Variants in SCRN1 observed in about 807,000 individuals in gnomAD.
The protein encoded by SCRN1 is secernin-1.
A neutral mutation model predicts 43.3 loss-of-function variants in SCRN1; 19 were observed. The ratio of observed to expected loss-of-function variants is 0.44; its 90% CI spans 0.31 to 0.64. The LOEUF is 0.64. SCRN1 is among the 30% of genes least tolerant of loss of function. The pLI is 0.09. For missense variants in SCRN1, 447 were observed against 524.1 expected, an observed-to-expected ratio of 0.85 and a Z score of 1.44; for synonymous variants, 183 against 188.9, an observed-to-expected ratio of 0.97 and a Z score of 0.26.
chr7:29,969,955 C>T (rs775133288), intron 1 of SCRN1: 41 of 445,534 alleles, frequency 9.2e-5, no homozygotes, highest in Non-Finnish European at 1.4e-5. Context: ...AAGTCCTGTA[C>T]ATTCCATCTC....
At chr7:29,990,176 C>T (rs909368246), upstream of SCRN1, 2 of 1,551,608 alleles carry the variant, frequency 1.3e-6, no homozygotes, top group East Asian at 2.4e-5. Flanking sequence ...GAAATGTGTC[C>T]TGTACCTTGT....
chr7:29,942,353 T>C (rs1353655372), intron 4 of SCRN1, among the ~76,000 whole-genome samples: 3 of 152,188 alleles, frequency 2.0e-5, no homozygotes, highest in Non-Finnish European at 4.4e-5. Flanking sequence ...GTCCAAGAAA[T>C]GGCTGGGGTT....
At chr7:29,960,142 C>T (rs1337659777) in intron 2 of SCRN1, among the ~76,000 whole-genome samples, 1 of 152,052 alleles carries the variant, frequency 6.6e-6, no homozygotes, top group Non-Finnish European at 1.5e-5. Flanking sequence ...AAATTCAGCT[C>T]CCCCGACTCC....
intron 6 of SCRN1, among the ~76,000 whole-genome samples, chr7:29,929,344 C>T (rs373879946): frequency 1.3e-5 from 2 of 152,182 alleles, no homozygotes; most frequent in East Asian, 1.9e-4. Flanking sequence ...AAGGGAACTG[C>T]GACCACGCCC....
intron 1 of SCRN1, among the ~76,000 whole-genome samples, chr7:29,981,867 T>C (rs1210939658): frequency 6.6e-6 from 1 of 152,182 alleles, no homozygotes; most frequent in Non-Finnish European, 1.5e-5. Flanking sequence ...CTGATAACCA[T>C]GCCTAAGCGA....
At position 29,968,999 on chromosome 7, in the gene SCRN1, T is replaced by C. The variant is rs756379805; in HGVS notation, c.69A>G (p.Val23=). 2 of 1,613,918 alleles carry C rather than the reference T, an allele frequency of 1.2e-6. No homozygotes were observed. The highest frequency in any genetic ancestry group is 1.3e-5 in the African/African-American group (1 of 74,866). The change falls in exon 2 of 8, where the codon GTA becomes GTG. Residue 23 remains valine (V), a synonymous_variant. Coordinates refer to ENST00000242059, the MANE Select transcript of SCRN1 (RefSeq NM_014766.5). ...TGGGCCGGGCTGAATTTTTCCCAAA[T>C]ACCACCAGACCATCCTTAGCACGTG... is the stretch of plus-strand genomic sequence containing the variant. The part of the protein sequence containing the change: ...FPPRAKDGLV[V]FGKNSARPRD...
chr7:29,989,441 G>A (rs1174011356), intron 1 of SCRN1, among the ~76,000 whole-genome samples: 1 of 152,090 alleles, frequency 6.6e-6, no homozygotes, highest in African/African-American at 2.4e-5. Flanking sequence ...CCGGCTTCAG[G>A]CCGAGGCCAC....
chr7:29,922,979 A>G lies in SCRN1; in HGVS notation c.*978T>C, dbSNP rs780127975. 6.6e-6 allele frequency: 1 copy of G among 152,220 alleles called. No homozygotes were observed. The highest frequency in any genetic ancestry group is 1.5e-5 in the Non-Finnish European group (1 of 68,040). 9.4% of individuals were successfully genotyped at this position (152,220 alleles called of 1,614,324 possible). A position where few individuals can be genotyped will look rare whatever the true frequency, so the allele number is the denominator to read the frequency against. On this transcript the variant is annotated 3_prime_UTR_variant, in exon 8 of 8. Coordinates refer to ENST00000242059, the MANE Select transcript of SCRN1 (RefSeq NM_014766.5). ...AATGTAGTGACTGCTAGGATTCCAG[A>G]TATTTAACTAGAATCTAAATAGTCA...
At chr7:29,925,865 A>AC (rs1369763064) in intron 7 of SCRN1, among the ~76,000 whole-genome samples, 2 of 151,788 alleles carry the variant, frequency 1.3e-5, no homozygotes, top group African/African-American at 4.8e-5. Flanking sequence ...AAAAAAAAAA[A>AC]AAAAAAACCC....
chr7:29,924,885 C>A (rs1468376), intron 7 of SCRN1, among the ~76,000 whole-genome samples: 3,430 of 152,252 alleles, frequency 0.023, 48 homozygotes, highest in South Asian at 0.06. Context: ...GCTGCTCTCA[C>A]CACCCGCCCA....
chr7:29,990,193 G>C (rs1458783663), upstream of SCRN1: 3 of 1,551,606 alleles, frequency 1.9e-6, no homozygotes, highest in Non-Finnish European at 2.6e-6. Flanking sequence ...TTGTTGACTC[G>C]CACGTCCAAG....
chr7:29,927,010 C>A (rs1203261292), intron 6 of SCRN1, among the ~76,000 whole-genome samples: 1 of 150,828 alleles, frequency 6.6e-6, no homozygotes, highest in East Asian at 1.9e-4. Flanking sequence ...TTTTTTAATA[C>A]CGTGGTCTGA....
Position 29,955,489 on chromosome 7 carries a change from C to A in SCRN1, c.160-129G>T, listed in dbSNP as rs925315564. 4 of 833,746 alleles carry A rather than the reference C, an allele frequency of 4.8e-6. No homozygotes were observed. In the African/African-American group the frequency reaches 6.8e-5, roughly 14 times the overall value. 51.6% of individuals were successfully genotyped at this position (833,746 alleles called of 1,614,324 possible). ...CAAAAAATAAAAGGCCTTGGGAATA[C>A]CCTGATTTTTAAGTCTTCACAATGC... On this transcript the variant is annotated intron_variant, in intron 2 of 7. Transcript: ENST00000242059.
At chr7:29,966,908 A>G (rs905602006) in intron 2 of SCRN1, among the ~76,000 whole-genome samples, 2 of 152,206 alleles carry the variant, frequency 1.3e-5, no homozygotes, top group African/African-American at 4.8e-5. Context: ...CTGCTTTTAA[A>G]GAACTGAAAC....
intron 1 of SCRN1, among the ~76,000 whole-genome samples, chr7:29,973,760 A>C (rs1788731280): frequency 6.6e-6 from 1 of 152,248 alleles, no homozygotes; most frequent in Admixed American, 6.5e-5. Flanking sequence ...AAATAGAATA[A>C]GTAATTTCAT....
chr7:29,953,451 T>C (rs1788023473), intron 3 of SCRN1, among the ~76,000 whole-genome samples: 1 of 152,158 alleles, frequency 6.6e-6, no homozygotes, highest in Non-Finnish European at 1.5e-5. Flanking sequence ...AAATCAACTG[T>C]TAAAATGGTA....
Position 29,922,381 on chromosome 7 carries a change from G to T in SCRN1, c.*1576C>A, listed in dbSNP as rs1285273738. ...GTTCACATCCATGTAACAGGGCTCGGTCCCCTCAAAATCTCATGATACAGC... is the reference window on the plus strand; with the variant it reads ...GTTCACATCCATGTAACAGGGCTCGTTCCCCTCAAAATCTCATGATACAGC... On this transcript the variant is annotated 3_prime_UTR_variant, in exon 8 of 8. Transcript: ENST00000242059. 6.6e-6 allele frequency: 1 copy of T among 152,138 alleles called. No individual in the cohort carries two copies. The highest frequency in any genetic ancestry group is 1.5e-5 in the Non-Finnish European group (1 of 68,024). The allele number at this position is 152,138 out of a possible 1,614,324, so 9.4% of individuals were successfully genotyped here.
intron 6 of SCRN1, among the ~76,000 whole-genome samples, chr7:29,927,725 T>G (rs1046643227): frequency 6.6e-6 from 1 of 152,192 alleles, no homozygotes; most frequent in Non-Finnish European, 1.5e-5. Context: ...GTACCTCAAG[T>G]GGGCTAGAGG....
At position 29,920,848 on chromosome 7, in the gene SCRN1, C is replaced by T. The variant is rs1786731755; in HGVS notation, c.*3109G>A. On this transcript the variant is annotated 3_prime_UTR_variant, in exon 8 of 8. Transcript: ENST00000242059. ...AGTAAAGGAACCCCACAGCTAAGGT[C>T]TAACAGGCATATACCTGCTCTGTTA... 1 of 152,174 alleles carries T rather than the reference C, an allele frequency of 6.6e-6. No homozygotes were observed. Among genetic ancestry groups the T allele is most frequent in the Admixed American group, 6.5e-5 (1 of 15,280 alleles). 9.4% of individuals were successfully genotyped at this position (152,174 alleles called of 1,614,324 possible). A position where few individuals can be genotyped will look rare whatever the true frequency, so the allele number is the denominator to read the frequency against.
Sources: gnomAD v4.1 joint callset for allele counts (sites outside exome capture counted in the v4.1 genomes callset) on GRCh38, gnomAD v4.1.1 for gene constraint, MANE v1.5 for transcripts, NCBI Gene and HGNC (gene_info 2026-07-23, HGNC 2026-07-21) for gene names.